The following DGKB variants were observed in gnomAD, a reference collection of about 807,000 sequenced individuals.
DGKB encodes the protein diacylglycerol kinase beta, also known as 90 kDa diacylglycerol kinase.
Under a neutral mutation model 114.3 loss-of-function variants are expected in DGKB, and 67 were observed. That is an observed-to-expected ratio of 0.59 (90% CI 0.48 to 0.72). The LOEUF (loss-of-function observed/expected upper bound fraction) is 0.72. DGKB is among the 30% of genes least tolerant of loss of function. The pLI is 0.00. For synonymous variants in DGKB, 398 were observed against 323.1 expected (o/e 1.23, Z -2.49); for missense variants, 907 against 975.2 (o/e 0.93, Z 0.93).
intron 23 of DGKB, among the ~76,000 whole-genome samples, chr7:14,226,241 A>G (rs1168415260): frequency 6.6e-6 from 1 of 152,000 alleles, no homozygotes; most frequent in African/African-American, 2.4e-5. Flanking sequence ...TTACAAACAT[A>G]TAATCCCTAG....
At chr7:14,487,156 G>A (rs1179266894) in intron 20 of DGKB, among the ~76,000 whole-genome samples, 4 of 152,048 alleles carry the variant, frequency 2.6e-5, no homozygotes, top group South Asian at 2.1e-4. Flanking sequence ...CCTTGTAATC[G>A]TTTCTGGATT....
intron 24 of DGKB, 80 bp downstream of exon 24, chr7:14,177,951 T>G (rs1040519930): frequency 4.3e-6 from 6 of 1,384,752 alleles, no homozygotes; most frequent in Non-Finnish European, 5.8e-6. Context: ...ACAATGTTAC[T>G]ATCAGAGTTC....
intron 1 of DGKB, among the ~76,000 whole-genome samples, chr7:14,857,119 G>A (rs552361580): frequency 1.3e-5 from 2 of 152,068 alleles, no homozygotes; most frequent in East Asian, 1.9e-4. Flanking sequence ...AGCTTATTCT[G>A]GGTGAACTCC....
At chr7:14,857,600 T>C (rs1850372234) in intron 1 of DGKB, among the ~76,000 whole-genome samples, 1 of 152,178 alleles carries the variant, frequency 6.6e-6, no homozygotes, top group African/African-American at 2.4e-5. Flanking sequence ...ATTTTCCATA[T>C]TTAAAATTCT....
intron 25 of DGKB, among the ~76,000 whole-genome samples, chr7:14,160,682 G>A (rs1054105903): frequency 1.3e-5 from 2 of 152,140 alleles, no homozygotes; most frequent in African/African-American, 4.8e-5. Context: ...ATATGAAAAT[G>A]GCCATACTGC....
intron 25 of DGKB, among the ~76,000 whole-genome samples, chr7:14,166,042 T>C (rs2128229747): frequency 6.6e-6 from 1 of 152,354 alleles, no homozygotes; most frequent in Non-Finnish European, 1.5e-5. Context: ...TCTATAACTC[T>C]TTGTTTCATG....
At chr7:14,658,159 G>C (rs1414384568) in intron 13 of DGKB, among the ~76,000 whole-genome samples, 1 of 151,922 alleles carries the variant, frequency 6.6e-6, no homozygotes, top group Non-Finnish European at 1.5e-5. Context: ...GGTGTTATAG[G>C]TAGAGATACG....
At chr7:14,821,948 T>C (rs1408727208) in intron 2 of DGKB, among the ~76,000 whole-genome samples, 1 of 152,116 alleles carries the variant, frequency 6.6e-6, no homozygotes, top group Admixed American at 6.6e-5. Flanking sequence ...AGTTGGTATG[T>C]TGAGAGTGAG....
intron 1 of DGKB, among the ~76,000 whole-genome samples, chr7:14,857,649 C>T (rs1850380062): frequency 6.6e-6 from 1 of 151,992 alleles, no homozygotes; most frequent in Non-Finnish European, 1.5e-5. Flanking sequence ...TTTGAAACAT[C>T]AAATATTCTG....
intron 23 of DGKB, among the ~76,000 whole-genome samples, chr7:14,295,137 T>A (rs912964098): frequency 6.6e-6 from 1 of 152,204 alleles, no homozygotes. Context: ...TTCTGGCACA[T>A]AGTAGGTTCT....
intron 20 of DGKB, among the ~76,000 whole-genome samples, chr7:14,535,395 G>T (rs1307277738): frequency 1.4e-5 from 2 of 138,932 alleles, no homozygotes; most frequent in African/African-American, 2.7e-5. Context: ...AAAAAAAAAA[G>T]AAAGAAAGAA....
chr7:14,606,873 T>C (rs1030832736), intron 17 of DGKB, among the ~76,000 whole-genome samples: 4 of 151,964 alleles, frequency 2.6e-5, no homozygotes, highest in Non-Finnish European at 5.9e-5. Context: ...AAGTAGTAAA[T>C]GAAATCGTAT....
chr7:14,676,661 A>C (rs113120715), intron 12 of DGKB, among the ~76,000 whole-genome samples: 125 of 152,188 alleles, frequency 8.2e-4, no homozygotes, highest in African/African-American at 2.9e-3. Context: ...AGAATATAAG[A>C]AAAAGACACA....
At chr7:14,713,624 C>G (rs1054870487) in intron 6 of DGKB, among the ~76,000 whole-genome samples, 1 of 137,468 alleles carries the variant, frequency 7.3e-6, no homozygotes, top group Non-Finnish European at 1.6e-5. Context: ...AATAACCACC[C>G]TCTCTTGGTC....
At chr7:14,619,459 TTTGGTTTTGA>T (rs1249547829) in intron 15 of DGKB, among the ~76,000 whole-genome samples, 1 of 151,642 alleles carries the variant, frequency 6.6e-6, no homozygotes, top group African/African-American at 2.4e-5. Context: ...ACTATTTAAT[TTTGGTTTTGA>T]TGTCCGGGCA....
intron 17 of DGKB, among the ~76,000 whole-genome samples, chr7:14,593,563 G>A (rs951459693): frequency 2.0e-5 from 3 of 151,716 alleles, no homozygotes; most frequent in African/African-American, 7.3e-5. Flanking sequence ...ATTAGTATAA[G>A]TAAAACACTT....
chr7:14,811,652 C>T (rs1196652800), intron 2 of DGKB, among the ~76,000 whole-genome samples: 3 of 151,980 alleles, frequency 2.0e-5, no homozygotes, highest in Non-Finnish European at 4.4e-5. Flanking sequence ...ATTCAAATTA[C>T]TTATGTAATT....
Position 14,910,307 on chromosome 7 carries a change from AAAGAAAG to A in DGKB, c.-188+64382_-188+64388del, listed in dbSNP as rs1259710204. On this transcript the variant is annotated intron_variant, in intron 1 of 4. Transcript: ENST00000437998. ...GAAAGAAAGAAAGAAAGAAAGAAAG[AAAGAAAG>A]AACCTTATATATTAGGAGAAGGCAA... Among the ~76,000 whole-genome samples, 12 of 135,012 alleles carry A rather than the reference AAAGAAAG, an allele frequency of 8.9e-5. 1 individual carries two copies. Among genetic ancestry groups the A allele is most frequent in the African/African-American group, 3.3e-4 (12 of 35,926 alleles). 88.6% of individuals were successfully genotyped at this position (135,012 alleles called of 152,430 possible).
At chr7:14,830,078 TG>T (rs1846205916) in intron 2 of DGKB, among the ~76,000 whole-genome samples, 1 of 152,022 alleles carries the variant, frequency 6.6e-6, no homozygotes, top group African/African-American at 2.4e-5. Flanking sequence ...AAGATGAGTA[TG>T]GGGAGGAGAG....
Sources: allele counts gnomAD v4.1 joint callset (sites outside exome capture counted in the v4.1 genomes callset), GRCh38; gene constraint gnomAD v4.1.1; transcripts MANE v1.5; gene names NCBI Gene and HGNC (gene_info 2026-07-23, HGNC 2026-07-21).